Variants in PRRC1 observed in about 807,000 individuals in gnomAD.
PRRC1 encodes the protein protein PRRC1.
In PRRC1, 39 loss-of-function variants were observed where a neutral mutation model predicts 40.7. That is an observed-to-expected ratio of 0.96 (90% CI 0.74 to 1.25). The LOEUF is 1.25. Ranked by LOEUF, PRRC1 falls within the 50% of genes most tolerant of loss-of-function variation. PRRC1 has a pLI of 0.00. For missense variants in PRRC1, 573 were observed against 548.3 expected (o/e 1.05, Z -0.45); for synonymous variants, 175 against 193.3 (o/e 0.91, Z 0.79).
At chr5:127,519,926 G>T (rs138757899) in intron 1 of PRRC1, among the ~76,000 whole-genome samples, 2,181 of 152,258 alleles carry the variant, frequency 0.014, 15 homozygotes, top group Non-Finnish European at 0.022. Flanking sequence ...CTATCTTTGT[G>T]CATGGCACCA....
intron 5 of PRRC1, among the ~76,000 whole-genome samples, chr5:127,532,355 C>T (rs1767799678): frequency 6.6e-6 from 1 of 152,136 alleles, no homozygotes; most frequent in Non-Finnish European, 1.5e-5. Flanking sequence ...GATCCTCCCG[C>T]CTAGGCCTCC....
chr5:127,551,569 G>T (rs1768383061), intron 8 of PRRC1, 138 bp from the exon 9 acceptor site: 1 of 826,600 alleles, frequency 1.2e-6, no homozygotes, highest in Admixed American at 2.5e-5. Flanking sequence ...GATATAGTTG[G>T]CAGCCTAGCT....
At chr5:127,546,725 T>TCA (rs1486382897) in intron 7 of PRRC1, among the ~76,000 whole-genome samples, 1 of 152,192 alleles carries the variant, frequency 6.6e-6, no homozygotes, top group Non-Finnish European at 1.5e-5. Context: ...GTTAGTATGT[T>TCA]ATTCACCATA....
intron 7 of PRRC1, among the ~76,000 whole-genome samples, chr5:127,544,452 G>GT (rs1381442273): frequency 6.6e-6 from 1 of 152,236 alleles, no homozygotes; most frequent in Non-Finnish European, 1.5e-5. Flanking sequence ...TTACTGCTTT[G>GT]TTTTTGTTTG....
At chr5:127,532,583 T>G (rs1018783006) in intron 5 of PRRC1, among the ~76,000 whole-genome samples, 1 of 152,090 alleles carries the variant, frequency 6.6e-6, no homozygotes, top group African/African-American at 2.4e-5. Context: ...ATGTGTCCCA[T>G]GTGGAGGAAA....
intron 7 of PRRC1, among the ~76,000 whole-genome samples, chr5:127,545,941 T>C (rs982843207): frequency 6.6e-6 from 1 of 152,134 alleles, no homozygotes; most frequent in Non-Finnish European, 1.5e-5. Context: ...GCTCTCATAA[T>C]TATTTTTTGT....
Position 127,539,120 on chromosome 5 carries a change from C to G in PRRC1, c.1002C>G (p.Phe334Leu). The change falls in exon 7 of 9, where the codon TTC becomes TTG. Residue 334 changes from phenylalanine (F) to leucine (L), a missense_variant. By Grantham distance (22) the Phe-to-Leu change is conservative (BLOSUM62 0). Coordinates refer to ENST00000296666, the MANE Select transcript of PRRC1 (RefSeq NM_130809.5). ...AGACAGCTGTGTCAGTAGAAAACTT[C>G]ATTGCAGAATTGCTGCCTGACAAGT... Reference protein sequence around the residue: ...EKQTAVSVENFIAELLPDKWF... With the variant: ...EKQTAVSVENLIAELLPDKWF... The G allele has an allele frequency of 6.2e-7, 1 of 1,612,712 alleles. No individual in the cohort carries two copies. The highest frequency in any genetic ancestry group is 8.5e-7 in the Non-Finnish European group (1 of 1,178,880).
chr5:127,553,200 A>G lies in PRRC1; in HGVS notation c.*1284A>G, dbSNP rs1476952143. 6.1e-6 allele frequency: 6 copies of G among 984,678 alleles called. No individual in the cohort carries two copies. Among genetic ancestry groups the G allele is most frequent in the Non-Finnish European group, 7.2e-6 (6 of 829,258 alleles). The allele number at this position is 984,678 out of a possible 1,614,324, so 61.0% of individuals were successfully genotyped here. ...TCTGGCAGTTTTATAAAAGCTGTTG[A>G]AGCTCTTGTCCTGCACTGTCTTTAG... is the stretch of plus-strand genomic sequence containing the variant. On this transcript the variant is annotated 3_prime_UTR_variant, in exon 9 of 9. Transcript: ENST00000296666.
chr5:127,520,129 G>A (rs75185788), intron 1 of PRRC1, among the ~76,000 whole-genome samples: 2,120 of 152,322 alleles, frequency 0.014, 26 homozygotes, highest in East Asian at 0.039. Flanking sequence ...TGTGTAGGCT[G>A]TGCATTGGAG....
chr5:127,542,337 AAATGTAT>A (rs1458349111), intron 7 of PRRC1, among the ~76,000 whole-genome samples: 1 of 151,880 alleles, frequency 6.6e-6, no homozygotes, highest in Non-Finnish European at 1.5e-5. Context: ...GTGCTGAAAA[AAATGTAT>A]ATTCTGTTGA....
chr5:127,524,512 C>A lies in PRRC1; in HGVS notation c.104-19C>A. 1.3e-6 allele frequency: 2 copies of A among 1,578,780 alleles called. No individual in the cohort carries two copies. Among genetic ancestry groups the A allele is most frequent in the Non-Finnish European group, 1.7e-6 (2 of 1,160,488 alleles). On this transcript the variant is annotated intron_variant, in intron 2 of 8. Coordinates refer to ENST00000296666, the MANE Select transcript of PRRC1 (RefSeq NM_130809.5). Reference sequence around the variant, plus strand: ...AACATTTCTAATTCTGTGCTTTTATCCTCTCCACTTTTTTCTAGCGGCAAC... The same window carrying A: ...AACATTTCTAATTCTGTGCTTTTATACTCTCCACTTTTTTCTAGCGGCAAC...
intron 6 of PRRC1, among the ~76,000 whole-genome samples, chr5:127,537,721 AAT>A (rs1363065688): frequency 3.9e-5 from 6 of 151,964 alleles, no homozygotes. Flanking sequence ...ACATCTTACT[AAT>A]CCCTTAATAG....
At chr5:127,543,207 C>G (rs951274696) in intron 7 of PRRC1, among the ~76,000 whole-genome samples, 1 of 152,174 alleles carries the variant, frequency 6.6e-6, no homozygotes, top group Non-Finnish European at 1.5e-5. Context: ...GGCCCCCACT[C>G]TCTTCTGGCT....
In PRRC1 at chr5:127,526,671, G is replaced by A. The variant is rs755521988; in HGVS notation, c.547G>A (p.Gly183Arg). The change falls in exon 4 of 9, where the codon GGA (glycine) becomes AGA (arginine). Residue 183 changes from glycine to arginine, a missense_variant. Physicochemically the swap from Gly to Arg is moderately radical, Grantham distance 125. Transcript: ENST00000296666. ...AGCCAGTTTGACATCTCTGGCACAG[G>A]GAACTGGAACCACATCAGCCATTAC... is the stretch of plus-strand genomic sequence containing the variant. ...QQASLTSLAQ[G>R]TGTTSAITFP... The A allele has an allele frequency of 6.8e-6, 11 of 1,613,100 alleles. No individual in the cohort carries two copies. The Admixed American group carries it at 1.8e-4, about 27-fold the overall frequency.
Position 127,543,786 on chromosome 5 carries a change from CA to C in PRRC1, c.1026-4030del, listed in dbSNP as rs774619453. On this transcript the variant is annotated intron_variant, in intron 7 of 8. Transcript: ENST00000296666. ...GTTATACATTCGTCTAAATTTTTTT[CA>C]AAGTTTTCAACTTCTTTGCCTTTGG... Among the ~76,000 whole-genome samples the C allele has an allele frequency of 1.1e-3, 173 of 152,224 alleles. 1 individual carries two copies. Among genetic ancestry groups the C allele is most frequent in the Non-Finnish European group, 2.1e-3 (141 of 68,000 alleles).
At chr5:127,531,585 A>G (rs1049980620) in intron 5 of PRRC1, among the ~76,000 whole-genome samples, 2 of 145,096 alleles carry the variant, frequency 1.4e-5, no homozygotes, top group Non-Finnish European at 3.0e-5. Flanking sequence ...AGCAAACCCT[A>G]TGAGGTGCCA....
chr5:127,529,314 TC>T (rs1473356453), intron 4 of PRRC1, among the ~76,000 whole-genome samples: 1 of 152,088 alleles, frequency 6.6e-6, no homozygotes, highest in African/African-American at 2.4e-5. Context: ...GTGGCATTTT[TC>T]TAAGCTTGTT....
At chr5:127,531,617 C>CATTTTT (rs1767772156) in intron 5 of PRRC1, among the ~76,000 whole-genome samples, 1 of 99,680 alleles carries the variant, frequency 1.0e-5, no homozygotes, top group African/African-American at 4.6e-5. Flanking sequence ...TCTTCTTCTT[C>CATTTTT]TTTTTTTTTT....
intron 6 of PRRC1, 61 bp from the exon 7 acceptor site, chr5:127,538,979 A>G: frequency 8.5e-7 from 1 of 1,178,142 alleles, no homozygotes; most frequent in Non-Finnish European, 1.2e-6. Flanking sequence ...GTAATCATAA[A>G]TTAGTATATT....
Sources: allele counts gnomAD v4.1 joint callset (sites outside exome capture counted in the v4.1 genomes callset), GRCh38; gene constraint gnomAD v4.1.1; transcripts MANE v1.5; gene names NCBI Gene and HGNC (gene_info 2026-07-23, HGNC 2026-07-21).